The following LRP1B variants were observed in gnomAD, a reference collection of about 807,000 sequenced individuals.
LRP1B encodes LDL receptor related protein 1B.
Under a neutral mutation model 556.6 loss-of-function variants are expected in LRP1B, and 217 were observed. The observed-to-expected ratio is 0.39, with a 90% confidence interval of 0.35 to 0.44. The LOEUF (loss-of-function observed/expected upper bound fraction) is 0.44, where lower values mean the gene tolerates loss of function less well. Ranked by LOEUF, LRP1B falls within the 20% of genes least tolerant of loss-of-function variation. LRP1B has a pLI of 1.00. For missense variants in LRP1B, 5,053 were observed against 5,620.8 expected, an observed-to-expected ratio of 0.90 and a Z score of 3.23; for synonymous variants, 2,047 against 1,865.8, an observed-to-expected ratio of 1.10 and a Z score of -2.50.
At chr2:140,480,747 A>G (rs1439367695) in intron 59 of LRP1B, among the ~76,000 whole-genome samples, 1 of 152,240 alleles carries the variant, frequency 6.6e-6, no homozygotes, top group East Asian at 1.9e-4. Context: ...GGCCTCTAAC[A>G]GGCTATTGTC....
intron 8 of LRP1B, among the ~76,000 whole-genome samples, chr2:141,059,850 T>A (rs1449478768): frequency 6.6e-6 from 1 of 151,784 alleles, no homozygotes; most frequent in Non-Finnish European, 1.5e-5. Context: ...ATTTTCTGAA[T>A]AAAAGGCACA....
chr2:140,962,542 C>A (rs528475507), intron 18 of LRP1B, among the ~76,000 whole-genome samples: 1 of 152,262 alleles, frequency 6.6e-6, no homozygotes, highest in African/African-American at 2.4e-5. Flanking sequence ...TGTTCTGTAG[C>A]TTCTTCTCTG....
intron 66 of LRP1B, among the ~76,000 whole-genome samples, chr2:140,419,876 C>T (rs547719154): frequency 7.2e-5 from 11 of 152,110 alleles, no homozygotes; most frequent in African/African-American, 2.2e-4. Context: ...TGCATGGTGG[C>T]ACATGACTGT....
At chr2:141,428,507 T>C (rs796590236) in intron 3 of LRP1B, among the ~76,000 whole-genome samples, 20 of 152,370 alleles carry the variant, frequency 1.3e-4, no homozygotes, top group African/African-American at 4.8e-4. Context: ...GACAGTTAAG[T>C]GATGTACATC....
chr2:140,718,555 G>C (rs574794637), intron 35 of LRP1B, among the ~76,000 whole-genome samples: 2 of 151,916 alleles, frequency 1.3e-5, no homozygotes, highest in Admixed American at 1.3e-4. Context: ...TTGCCGCTTA[G>C]AAAAGTATAG....
rs956635496 is a variant in LRP1B at position 140,801,899 on chromosome 2, C to T, written c.5359+11758G>A. On this transcript the variant is annotated intron_variant, in intron 32 of 90. Transcript: ENST00000389484. ...TGTAGCTCCGACAAGAAGTTAAGTTCCTAACCAGAGTGTGAAAGGAAAACA... is the reference window on the plus strand; with the variant it reads ...TGTAGCTCCGACAAGAAGTTAAGTTTCTAACCAGAGTGTGAAAGGAAAACA... 5.9e-5 allele frequency among the ~76,000 whole-genome samples: 9 copies of T among 151,968 alleles called. No individual in the cohort carries two copies. In the South Asian group the frequency reaches 1.5e-3, roughly 25 times the overall value.
chr2:141,775,628 G>A (rs939300463), intron 2 of LRP1B, among the ~76,000 whole-genome samples: 1 of 152,126 alleles, frequency 6.6e-6, no homozygotes, highest in African/African-American at 2.4e-5. Context: ...GCAGAGTGGA[G>A]TGAACTCATG....
At chr2:140,654,408 T>G (rs1302560793) in intron 41 of LRP1B, among the ~76,000 whole-genome samples, 2 of 152,184 alleles carry the variant, frequency 1.3e-5, no homozygotes, top group African/African-American at 4.8e-5. Context: ...TTTGTGAGAA[T>G]TAATATGTAT....
At chr2:141,611,755 G>A (rs1329734312) in intron 2 of LRP1B, among the ~76,000 whole-genome samples, 1 of 152,204 alleles carries the variant, frequency 6.6e-6, no homozygotes, top group South Asian at 2.1e-4. Context: ...AAATGTCAAT[G>A]CAAGAGAGCG....
chr2:141,886,964 C>T (rs74743284), intron 1 of LRP1B, among the ~76,000 whole-genome samples: 6 of 142,246 alleles, frequency 4.2e-5, no homozygotes, highest in Admixed American at 7.1e-5. Context: ...TTTTCTTTTT[C>T]TTTTTTTTTT....
intron 43 of LRP1B, among the ~76,000 whole-genome samples, chr2:140,597,273 A>C (rs1682480189): frequency 6.6e-6 from 1 of 152,144 alleles, no homozygotes; most frequent in African/African-American, 2.4e-5. Context: ...AAAATCCTTT[A>C]AATTATGTTA....
intron 1 of LRP1B, among the ~76,000 whole-genome samples, chr2:141,957,206 G>A (rs1005563939): frequency 2.6e-5 from 4 of 151,972 alleles, no homozygotes; most frequent in African/African-American, 9.7e-5. Flanking sequence ...ATCTGGGCTT[G>A]GTTTGAATGA....
At chr2:140,880,481 C>T (rs778993114) in intron 25 of LRP1B, among the ~76,000 whole-genome samples, 3 of 152,000 alleles carry the variant, frequency 2.0e-5, no homozygotes, top group Non-Finnish European at 2.9e-5. Flanking sequence ...GAGATCAGGT[C>T]AAAATCCAGA....
At chr2:140,265,822 A>G (rs368472337) in intron 86 of LRP1B, among the ~76,000 whole-genome samples, 1 of 152,006 alleles carries the variant, frequency 6.6e-6, no homozygotes, top group East Asian at 1.9e-4. Flanking sequence ...ACCACTAGAA[A>G]GATATTCTGA....
At chr2:141,884,501 A>G (rs2104900336) in intron 1 of LRP1B, among the ~76,000 whole-genome samples, 1 of 152,352 alleles carries the variant, frequency 6.6e-6, no homozygotes, top group East Asian at 1.9e-4. Flanking sequence ...TATGTGCTAC[A>G]GTGACATTGT....
intron 20 of LRP1B, among the ~76,000 whole-genome samples, chr2:140,923,455 G>C (rs990037091): frequency 2.0e-4 from 31 of 151,968 alleles, no homozygotes; most frequent in African/African-American, 7.2e-4. Flanking sequence ...GTTGTGGTTT[G>C]TACTCATGCC....
intron 7 of LRP1B, among the ~76,000 whole-genome samples, chr2:141,132,507 A>T (rs1452389476): frequency 6.6e-6 from 1 of 152,060 alleles, no homozygotes; most frequent in Non-Finnish European, 1.5e-5. Flanking sequence ...GATCTAAAAA[A>T]AACCCTCTTC....
chr2:141,818,689 A>C (rs1453774052), intron 1 of LRP1B, among the ~76,000 whole-genome samples: 1 of 151,312 alleles, frequency 6.6e-6, no homozygotes, highest in Admixed American at 6.6e-5. Context: ...GGCGCCTGCC[A>C]CCACACCTGG....
chr2:142,095,749 T>C (rs1405991513), intron 1 of LRP1B, among the ~76,000 whole-genome samples: 2 of 151,874 alleles, frequency 1.3e-5, no homozygotes, highest in Admixed American at 1.3e-4. Context: ...ACATTTAATG[T>C]TTAATATATG....
Sources: allele counts gnomAD v4.1 joint callset (sites outside exome capture counted in the v4.1 genomes callset), GRCh38; gene constraint gnomAD v4.1.1; transcripts MANE v1.5; gene names NCBI Gene and HGNC (gene_info 2026-07-23, HGNC 2026-07-21).